The following HIPK3 variants were observed in gnomAD, a reference collection of about 807,000 sequenced individuals.
HIPK3 encodes homeodomain-interacting protein kinase 3.
In HIPK3, 47 loss-of-function variants were observed where a neutral mutation model predicts 124.2. The observed-to-expected ratio is 0.38, with a 90% CI of 0.30 to 0.48. HIPK3 has a LOEUF of 0.48. HIPK3 is among the 20% of genes least tolerant of loss of function. The probability of loss-of-function intolerance (pLI) is 0.98; values close to 1 mark genes in which losing one functional copy is unlikely to be tolerated. For missense variants in HIPK3, 1,286 were observed against 1,454.3 expected (o/e 0.88, Z 1.88); for synonymous variants, 482 against 515.2 (o/e 0.94, Z 0.87).
chr11:33,325,140 C>T (rs1852773504), intron 2 of HIPK3, among the ~76,000 whole-genome samples: 1 of 152,216 alleles, frequency 6.6e-6, no homozygotes, highest in South Asian at 2.1e-4. Context: ...TTGTCACCAT[C>T]AGTTAGAAAC....
chr11:33,331,799 T>G (rs1257653820), intron 3 of HIPK3, among the ~76,000 whole-genome samples: 1 of 152,196 alleles, frequency 6.6e-6, no homozygotes, highest in East Asian at 1.9e-4. Flanking sequence ...TGTTAACACT[T>G]TATATTAACT....
At chr11:33,344,195 C>G (rs1565096639) in intron 8 of HIPK3, among the ~76,000 whole-genome samples, 1 of 152,200 alleles carries the variant, frequency 6.6e-6, no homozygotes. Context: ...TATGACACTA[C>G]TTCTAAATAC....
chr11:33,343,138 G>A (rs1413335905), intron 8 of HIPK3, among the ~76,000 whole-genome samples: 1 of 152,010 alleles, frequency 6.6e-6, no homozygotes, highest in Non-Finnish European at 1.5e-5. Flanking sequence ...ATCATTGTAG[G>A]CTAGCCTGTT....
chr11:33,259,212 A>G (rs917191238), intron 1 of HIPK3, among the ~76,000 whole-genome samples: 2 of 152,174 alleles, frequency 1.3e-5, no homozygotes, highest in Non-Finnish European at 2.9e-5. Context: ...ATTTTTAAAG[A>G]GGTTTCCTTT....
At chr11:33,286,051 A>C (rs1275614598) in intron 1 of HIPK3, among the ~76,000 whole-genome samples, 1 of 152,198 alleles carries the variant, frequency 6.6e-6, no homozygotes, top group Non-Finnish European at 1.5e-5. Context: ...CTAGGATTAC[A>C]GGGATCTATA....
intron 14 of HIPK3, among the ~76,000 whole-genome samples, chr11:33,350,772 C>T (rs1485161050): frequency 2.0e-5 from 3 of 152,224 alleles, no homozygotes; most frequent in South Asian, 4.1e-4. Flanking sequence ...TAATTTTACA[C>T]ATCTTTTTCC....
intron 1 of HIPK3, among the ~76,000 whole-genome samples, chr11:33,261,207 AT>A (rs1003105898): frequency 2.7e-4 from 39 of 146,374 alleles, no homozygotes; most frequent in African/African-American, 8.5e-4. Flanking sequence ...ATATATATGT[AT>A]TTTTTTTTCT....
chr11:33,347,256 A>G (rs367944804), intron 8 of HIPK3, 37 bp from the exon 9 acceptor site: 2 of 1,571,800 alleles, frequency 1.3e-6, no homozygotes, highest in Non-Finnish European at 8.7e-7. Flanking sequence ...TAAGAGGAAG[A>G]TTTTTTCTTT....
intron 2 of HIPK3, among the ~76,000 whole-genome samples, chr11:33,302,413 T>C (rs1852032289): frequency 6.9e-6 from 1 of 144,234 alleles, no homozygotes; most frequent in African/African-American, 2.6e-5. Context: ...GCCTACTCAC[T>C]GCAACCTTCG....
At chr11:33,348,432 G>T (rs1163473309) in intron 12 of HIPK3, 90 bp from the exon 13 acceptor site, 4 of 1,153,430 alleles carry the variant, frequency 3.5e-6, no homozygotes, top group African/African-American at 3.1e-5. Flanking sequence ...ACAAGTGAAG[G>T]TTCTCATTTT....
At chr11:33,296,381 C>G (rs1851842444) in intron 2 of HIPK3, among the ~76,000 whole-genome samples, 2 of 152,198 alleles carry the variant, frequency 1.3e-5, no homozygotes, top group Non-Finnish European at 2.9e-5. Context: ...GACCTGGACA[C>G]AGGTCAGGTA....
chr11:33,353,648 A>G lies in HIPK3; in HGVS notation c.*80A>G. On this transcript the variant is annotated 3_prime_UTR_variant, in exon 17 of 17. Transcript: ENST00000303296. ...CATGGTATTTAATATTAGCCATGGC[A>G]CAAGAAAATTATTTTTGAATCATGT... The G allele has an allele frequency of 1.0e-6, 1 of 971,424 alleles. No homozygotes were observed. The highest frequency in any genetic ancestry group is 1.6e-6 in the Non-Finnish European group (1 of 642,428). The allele number at this position is 971,424 out of a possible 1,614,324, so 60.2% of individuals were successfully genotyped here. A position where few individuals can be genotyped will look rare whatever the true frequency, so the allele number is the denominator to read the frequency against.
At position 33,265,859 on chromosome 11, in the gene HIPK3, G is replaced by A. The variant is rs185197049; in HGVS notation, c.-3+7970G>A. ...CCAGTACTTGGGGAGGCCGAGGCGG[G>A]TGGGTCATGAGGTCAGGAGGTCGAG... is the stretch of plus-strand genomic sequence containing the variant. On this transcript the variant is annotated intron_variant, in intron 1 of 16. Coordinates refer to ENST00000303296, the MANE Select transcript of HIPK3 (RefSeq NM_005734.5). Among the ~76,000 whole-genome samples the A allele has an allele frequency of 1.0e-2, 1,507 of 151,320 alleles. 6 individuals are homozygous for A. The highest frequency in any genetic ancestry group is 0.015 in the Non-Finnish European group (995 of 67,828).
chr11:33,274,475 T>G (rs1171635162), intron 1 of HIPK3, among the ~76,000 whole-genome samples: 1 of 152,182 alleles, frequency 6.6e-6, no homozygotes, highest in Non-Finnish European at 1.5e-5. Flanking sequence ...TTCTAATAGC[T>G]CATTGGTAGA....
At chr11:33,340,400 C>T (rs570295635) in intron 6 of HIPK3, among the ~76,000 whole-genome samples, 1 of 152,296 alleles carries the variant, frequency 6.6e-6, no homozygotes, top group South Asian at 2.1e-4. Context: ...CTTTGAACCT[C>T]AGACATATTT....
intron 2 of HIPK3, among the ~76,000 whole-genome samples, chr11:33,294,980 A>G (rs1410137295): frequency 1.3e-5 from 2 of 152,104 alleles, no homozygotes; most frequent in East Asian, 3.9e-4. Flanking sequence ...TCATGTCTCA[A>G]AATGGAGTCA....
At position 33,328,532 on chromosome 11, in the gene HIPK3, T is replaced by C. The variant is rs760185882; in HGVS notation, c.1120T>C (p.Leu374=). ...CAGAGCTCCAGAGATTATATTGGGG[T>C]TGCCATTTTGTGAAGCCATAGACAT... ...YYRAPEIILG[L]PFCEAIDMWS... is the part of the protein sequence containing the mutation. The change falls in exon 3 of 17, where the codon TTG becomes CTG. Residue 374 remains leucine (L), a synonymous_variant. Coordinates refer to ENST00000303296, the MANE Select transcript of HIPK3 (RefSeq NM_005734.5). 6.8e-6 allele frequency: 11 copies of C among 1,613,582 alleles called. No homozygotes were observed. In the Admixed American group the frequency reaches 1.7e-4, roughly 24 times the overall value.
Position 33,257,718 on chromosome 11 carries a change from T to C in HIPK3, c.-174T>C. On this transcript the variant is annotated 5_prime_UTR_variant, in exon 1 of 17. Transcript: ENST00000303296. ...GGGGAGGGTGTTTCGCCGTTTCCTC[T>C]CAGCCGCCAGGACAAGATGGCAGCG... 2.0e-6 allele frequency: 2 copies of C among 989,874 alleles called. No individual in the cohort carries two copies. The highest frequency in any genetic ancestry group is 2.4e-6 in the Non-Finnish European group (2 of 833,006). 61.3% of individuals were successfully genotyped at this position (989,874 alleles called of 1,614,324 possible). A position where few individuals can be genotyped will look rare whatever the true frequency, so the allele number is the denominator to read the frequency against.
At chr11:33,265,861 GGGTCATGA>G (rs1850944255) in intron 1 of HIPK3, among the ~76,000 whole-genome samples, 1 of 151,134 alleles carries the variant, frequency 6.6e-6, no homozygotes, top group Non-Finnish European at 1.5e-5. Flanking sequence ...CGAGGCGGGT[GGGTCATGA>G]GGTCAGGAGG....
Sources: allele counts gnomAD v4.1 joint callset (sites outside exome capture counted in the v4.1 genomes callset), GRCh38; gene constraint gnomAD v4.1.1; transcripts MANE v1.5; gene names NCBI Gene and HGNC (gene_info 2026-07-23, HGNC 2026-07-21).